SLC25A26: variants seen among roughly 807,000 people sequenced by gnomAD.
SLC25A26 encodes mitochondrial S-adenosylmethionine carrier protein.
SLC25A26 carries 36 observed loss-of-function variants against 37.8 expected under a neutral mutation model. The observed-to-expected ratio is 0.95, with a 90% confidence interval of 0.73 to 1.26. The LOEUF is 1.26. Among genes scored for constraint, SLC25A26 ranks in the 50% most tolerant of loss-of-function variants. SLC25A26 has a pLI of 0.00. For synonymous variants in SLC25A26, 129 were observed against 122.5 expected, an observed-to-expected ratio of 1.05 and a Z score of -0.35; for missense variants, 390 against 331.1, an observed-to-expected ratio of 1.18 and a Z score of -1.38.
intron 5 of SLC25A26, among the ~76,000 whole-genome samples, chr3:66,280,598 A>G (rs776817830): frequency 2.0e-5 from 3 of 152,206 alleles, no homozygotes; most frequent in African/African-American, 4.8e-5. Flanking sequence ...TAGTAACAGC[A>G]TATTTATTTC....
At chr3:66,371,241 T>G (rs1700329072) in intron 9 of SLC25A26, 2 of 1,542,126 alleles carry the variant, frequency 1.3e-6, no homozygotes, top group South Asian at 1.2e-5. Flanking sequence ...AGCAAAGCAG[T>G]GGCCTCCCTT....
chr3:66,221,885 T>G (rs1247475701), intron 1 of SLC25A26, among the ~76,000 whole-genome samples: 2 of 151,652 alleles, frequency 1.3e-5, no homozygotes, highest in Non-Finnish European at 2.9e-5. Context: ...AAAATGATTT[T>G]CATAGGGAAA....
chr3:66,177,945 C>T (rs143294060), intron 1 of SLC25A26, among the ~76,000 whole-genome samples: 3 of 152,138 alleles, frequency 2.0e-5, no homozygotes, highest in Admixed American at 6.5e-5. Context: ...AGATGAATGG[C>T]GTAAATAGCA....
At chr3:66,237,938 AG>A (rs2072375295) in intron 2 of SLC25A26, among the ~76,000 whole-genome samples, 1 of 152,234 alleles carries the variant, frequency 6.6e-6, no homozygotes, top group South Asian at 2.1e-4. Context: ...TGTAGTGCAA[AG>A]AGAAAAACAG....
chr3:66,175,959 A>G (rs145721659), intron 1 of SLC25A26, among the ~76,000 whole-genome samples: 1 of 152,316 alleles, frequency 6.6e-6, no homozygotes, highest in Non-Finnish European at 1.5e-5. Flanking sequence ...CCATACAGAC[A>G]TGGCATAATA....
intron 5 of SLC25A26, among the ~76,000 whole-genome samples, chr3:66,266,070 T>A (rs1447181739): frequency 1.3e-5 from 2 of 152,232 alleles, no homozygotes; most frequent in East Asian, 3.8e-4. Flanking sequence ...CCTGCAATCC[T>A]TGAAAGTAGT....
chr3:66,155,305 T>G (rs892904576), intron 1 of SLC25A26, among the ~76,000 whole-genome samples: 2 of 151,552 alleles, frequency 1.3e-5, no homozygotes, highest in African/African-American at 4.9e-5. Context: ...AGCCCGGGAG[T>G]TCGAAACTAG....
At chr3:66,210,809 C>T (rs1224763891) in intron 1 of SLC25A26, among the ~76,000 whole-genome samples, 3 of 119,096 alleles carry the variant, frequency 2.5e-5, no homozygotes, top group African/African-American at 9.7e-5. Context: ...CTACTGCGCC[C>T]GGCCTCGACT....
intron 5 of SLC25A26, among the ~76,000 whole-genome samples, chr3:66,264,285 A>C (rs1446357609): frequency 3.3e-5 from 5 of 152,140 alleles, no homozygotes; most frequent in African/African-American, 1.2e-4. Flanking sequence ...TCTCCAAAAA[A>C]AAAGAAATAA....
chr3:66,209,008 G>T (rs1455778882), intron 1 of SLC25A26, among the ~76,000 whole-genome samples: 1 of 63,262 alleles, frequency 1.6e-5, no homozygotes, highest in African/African-American at 6.5e-5. Context: ...CCATATAAAG[G>T]TATATATATA....
At chr3:66,371,524 G>T in intron 9 of SLC25A26, 1 of 1,316,682 alleles carries the variant, frequency 7.6e-7, no homozygotes, top group African/African-American at 1.5e-5. Flanking sequence ...TGTTGAATGT[G>T]ACAACTCTGA....
chr3:66,157,687 C>A (rs765443873), intron 1 of SLC25A26, among the ~76,000 whole-genome samples: 7 of 152,192 alleles, frequency 4.6e-5, no homozygotes, highest in Non-Finnish European at 8.8e-5. Context: ...AGGCTTCCAA[C>A]AAAATTTTGA....
At chr3:66,308,786 A>G (rs1002603203) in intron 5 of SLC25A26, among the ~76,000 whole-genome samples, 2 of 152,186 alleles carry the variant, frequency 1.3e-5, no homozygotes, top group Non-Finnish European at 2.9e-5. Context: ...GCATCTGTTG[A>G]GATAATCATG....
intron 6 of SLC25A26, among the ~76,000 whole-genome samples, chr3:66,355,379 A>C (rs746371259): frequency 2.6e-5 from 4 of 152,140 alleles, no homozygotes; most frequent in Admixed American, 6.5e-5. Context: ...CTGCTTGCAC[A>C]TCCCAGAACA....
chr3:66,251,468 A>C (rs2073081067), intron 3 of SLC25A26, among the ~76,000 whole-genome samples: 1 of 152,154 alleles, frequency 6.6e-6, no homozygotes, highest in Non-Finnish European at 1.5e-5. Context: ...TTGTGCACCT[A>C]CTTGAATTCT....
intron 5 of SLC25A26, among the ~76,000 whole-genome samples, chr3:66,288,491 G>A (rs561396918): frequency 6.6e-6 from 1 of 151,760 alleles, no homozygotes; most frequent in Non-Finnish European, 1.5e-5. Context: ...CCTACCCCTC[G>A]ACAGGCCCCA....
At chr3:66,227,444 G>A (rs920505022) in intron 1 of SLC25A26, among the ~76,000 whole-genome samples, 6 of 152,138 alleles carry the variant, frequency 3.9e-5, no homozygotes, top group African/African-American at 7.2e-5. Flanking sequence ...ACTATTTGCT[G>A]TCTGTGCGTA....
chr3:66,364,887 T>A (rs2076792440), intron 7 of SLC25A26, among the ~76,000 whole-genome samples: 1 of 152,202 alleles, frequency 6.6e-6, no homozygotes, highest in South Asian at 2.1e-4. Context: ...AAGGAGTTTG[T>A]CCAAGGCCTG....
rs566518190 is a variant in SLC25A26, at chr3:66,228,711, T to C, written c.33+7584T>C. Among the ~76,000 whole-genome samples the C allele has an allele frequency of 1.1e-4, 16 of 152,352 alleles. No homozygotes were observed. In the South Asian group the frequency reaches 2.7e-3, roughly 26 times the overall value. ...AACACTTAACTGTTTACTGAGCACT[T>C]TAAAAGTGCTTATGCAACTTTTTCA... On this transcript the variant is annotated intron_variant, in intron 1 of 9. Transcript: ENST00000354883.
Sources: allele counts gnomAD v4.1 joint callset (sites outside exome capture counted in the v4.1 genomes callset), GRCh38; gene constraint gnomAD v4.1.1; transcripts MANE v1.5; gene names NCBI Gene and HGNC (gene_info 2026-07-23, HGNC 2026-07-21).